Variants in SNX25 observed in about 807,000 individuals in gnomAD.
SNX25 encodes sorting nexin 25, also known as sorting nexin-25.
A neutral mutation model predicts 113.7 loss-of-function variants in SNX25; 62 were observed. The observed-to-expected ratio is 0.55, with a 90% CI of 0.44 to 0.67. The LOEUF is 0.67. Ranked by LOEUF, SNX25 falls within the 30% of genes least tolerant of loss-of-function variation. SNX25 has a pLI of 0.00. For synonymous variants in SNX25, 421 were observed against 436.2 expected (o/e 0.97, Z 0.43); for missense variants, 1,014 against 1,161.0 (o/e 0.87, Z 1.84).
At chr4:185,360,773 G>T (rs2095357547) in intron 16 of SNX25, among the ~76,000 whole-genome samples, 1 of 151,996 alleles carries the variant, frequency 6.6e-6, no homozygotes, top group Admixed American at 6.6e-5. Context: ...CAAAAAATTA[G>T]CTGGGCATGG....
chr4:185,231,080 T>C (rs1741765203), intron 1 of SNX25, among the ~76,000 whole-genome samples: 1 of 148,910 alleles, frequency 6.7e-6, no homozygotes, highest in Admixed American at 6.8e-5. Context: ...CTTAATAACA[T>C]GTTTCTTTTT....
At chr4:185,283,834 G>A (rs1750985482) in intron 5 of SNX25, among the ~76,000 whole-genome samples, 1 of 152,148 alleles carries the variant, frequency 6.6e-6, no homozygotes, top group Non-Finnish European at 1.5e-5. Context: ...CAGGTACCCA[G>A]TACAATCTAT....
chr4:185,258,790 AG>A, intron 2 of SNX25, 57 bp from the exon 3 acceptor site: 1 of 1,380,298 alleles, frequency 7.2e-7, no homozygotes, highest in Middle Eastern at 1.8e-4. Flanking sequence ...GTAGAAATGC[AG>A]TCTTGGTGTT....
At chr4:185,351,381 T>C in intron 13 of SNX25, 64 bp from the exon 14 acceptor site, 6 of 1,542,338 alleles carry the variant, frequency 3.9e-6, no homozygotes, top group Non-Finnish European at 3.5e-6. Context: ...TCACCTTTAC[T>C]TGTAGCTCCC....
chr4:185,233,544 AATT>A (rs963426477), intron 1 of SNX25, among the ~76,000 whole-genome samples: 40 of 152,226 alleles, frequency 2.6e-4, no homozygotes, highest in African/African-American at 9.4e-4. Flanking sequence ...GAAATGCAAA[AATT>A]ATTGTCAGGG....
At position 185,222,486 on chromosome 4, in the gene SNX25, G is replaced by A. The variant is rs117866827; in HGVS notation, c.429+12231G>A. 1.4e-3 allele frequency among the ~76,000 whole-genome samples: 214 copies of A among 151,002 alleles called. 6 individuals carry two copies. The East Asian group carries it at 0.031, about 22-fold the overall frequency. On this transcript the variant is annotated intron_variant, in intron 1 of 18. Transcript: ENST00000652585. ...TCAGCACCCTATACCCCTCCCTCTC[G>A]GTAGGTTTACAGCGCCGTATACCCC...
intron 2 of SNX25, among the ~76,000 whole-genome samples, chr4:185,255,832 G>T (rs1746329646): frequency 6.6e-6 from 1 of 152,178 alleles, no homozygotes; most frequent in African/African-American, 2.4e-5. Flanking sequence ...CACTTACTAT[G>T]TAGGAACTGT....
At chr4:185,353,413 G>C (rs1303793627) in intron 14 of SNX25, 72 bp from the exon 15 acceptor site, 12 of 1,169,514 alleles carry the variant, frequency 1.0e-5, no homozygotes, top group Non-Finnish European at 1.4e-5. Context: ...ATTTACACTT[G>C]AAGAGGGAGA....
At chr4:185,362,781 CAT>C (rs2095371157) in intron 18 of SNX25, 70 bp downstream of exon 18, 2 of 1,177,096 alleles carry the variant, frequency 1.7e-6, no homozygotes, top group Admixed American at 1.9e-5. Flanking sequence ...TCAGAAAAAA[CAT>C]GTGCCCCAGT....
chr4:185,284,635 C>A (rs934175627), intron 5 of SNX25, among the ~76,000 whole-genome samples: 1 of 152,018 alleles, frequency 6.6e-6, no homozygotes, highest in Admixed American at 6.6e-5. Flanking sequence ...GTGAAGGGAA[C>A]GTAGGCAGGA....
At chr4:185,362,473 G>A (rs1263718745) in intron 17 of SNX25, 138 bp from the exon 18 acceptor site, 4 of 1,183,496 alleles carry the variant, frequency 3.4e-6, no homozygotes, top group African/African-American at 1.6e-5. Context: ...AAGCATTTGA[G>A]AGAACTGACC....
At chr4:185,250,603 G>C (rs1189831689) in intron 2 of SNX25, among the ~76,000 whole-genome samples, 1 of 152,120 alleles carries the variant, frequency 6.6e-6, no homozygotes, top group Non-Finnish European at 1.5e-5. Context: ...TGTAAACATG[G>C]ATCTTACCTA....
intron 5 of SNX25, among the ~76,000 whole-genome samples, chr4:185,277,089 A>G (rs551224134): frequency 6.6e-5 from 10 of 152,254 alleles, no homozygotes; most frequent in African/African-American, 2.4e-4. Flanking sequence ...CAGTGGCACA[A>G]TCTCAGCTCA....
chr4:185,235,576 G>A (rs2871439), intron 1 of SNX25, among the ~76,000 whole-genome samples: 98,536 of 152,060 alleles, frequency 0.65, 32,065 homozygotes, highest in East Asian at 0.76. Context: ...TTGTTCCTTC[G>A]GTTTCTTCTC....
chr4:185,362,345 G>A (rs906407431), intron 17 of SNX25: 9 of 984,886 alleles, frequency 9.1e-6, no homozygotes, highest in Admixed American at 6.1e-5. Flanking sequence ...CTAAAGTATC[G>A]TGTTTTGAGA....
chr4:185,281,984 CCA>C (rs775141877), intron 5 of SNX25, among the ~76,000 whole-genome samples: 1 of 151,932 alleles, frequency 6.6e-6, no homozygotes, highest in Non-Finnish European at 1.5e-5. Context: ...CCATTGCACT[CCA>C]GTCTGGGCAA....
the SNX25 span, chr4:185,378,077 G>T: frequency 6.3e-4 from 1,015 of 1,607,924 alleles, 17 homozygotes; most frequent in Middle Eastern, 4.9e-4. Context: ...ATCAGGATTT[G>T]TACCAGTCTT....
downstream of SNX25, among the ~76,000 whole-genome samples, chr4:185,367,668 G>T (rs1432241528): frequency 6.6e-6 from 1 of 152,116 alleles, no homozygotes; most frequent in African/African-American, 2.4e-5. Flanking sequence ...GTGACAAGGT[G>T]CATAATTTCT....
chr4:185,349,396 C>T (rs2095304594), intron 13 of SNX25, among the ~76,000 whole-genome samples: 1 of 152,184 alleles, frequency 6.6e-6, no homozygotes, highest in Non-Finnish European at 1.5e-5. Flanking sequence ...ATATCTTTGA[C>T]ATACTGATTT....
Sources: gnomAD v4.1 joint callset for allele counts (sites outside exome capture counted in the v4.1 genomes callset) on GRCh38, gnomAD v4.1.1 for gene constraint, MANE v1.5 for transcripts, NCBI Gene and HGNC (gene_info 2026-07-23, HGNC 2026-07-21) for gene names.